KAZN: variants seen among roughly 807,000 people sequenced by gnomAD.
KAZN encodes the protein kazrin, periplakin interacting protein.
A neutral mutation model predicts 87.4 loss-of-function variants in KAZN; 40 were observed. That is an observed-to-expected ratio of 0.46 (90% CI 0.36 to 0.60). KAZN has a LOEUF of 0.60. Ranked by LOEUF, KAZN falls within the 20% of genes least tolerant of loss-of-function variation. The pLI is 0.00. For missense variants in KAZN, 898 were observed against 1,073.9 expected (o/e 0.84, Z 2.29); for synonymous variants, 466 against 458.3 (o/e 1.02, Z -0.22).
intron 2 of KAZN, among the ~76,000 whole-genome samples, chr1:14,274,860 T>G (rs1037214675): frequency 8.5e-4 from 129 of 152,236 alleles, no homozygotes; most frequent in African/African-American, 4.8e-4. Context: ...TCTTTTTTTT[T>G]GGGTCTGTCT....
At chr1:13,909,506 G>A (rs549863889) in intron 1 of KAZN, among the ~76,000 whole-genome samples, 1 of 152,196 alleles carries the variant, frequency 6.6e-6, no homozygotes, top group South Asian at 2.1e-4. Context: ...TTCTATCTCA[G>A]CCAGGGTTTC....
At chr1:14,435,936 C>T (rs1666360308) in intron 2 of KAZN, among the ~76,000 whole-genome samples, 1 of 152,140 alleles carries the variant, frequency 6.6e-6, no homozygotes, top group Non-Finnish European at 1.5e-5. Flanking sequence ...TGTGCTGCCA[C>T]TGAGTCACTG....
intron 2 of KAZN, among the ~76,000 whole-genome samples, chr1:14,489,736 A>AAATAATAAC (rs1669546404): frequency 1.4e-5 from 2 of 144,514 alleles, no homozygotes; most frequent in African/African-American, 5.1e-5. Flanking sequence ...TCTGTCTTAA[A>AAATAATAAC]AATAATAATA....
Position 14,055,795 on chromosome 1 carries a change from GAATA to G in KAZN, c.92-124639_92-124636del. On this transcript the variant is annotated intron_variant, in intron 1 of 16. Coordinates refer to the KAZN transcript ENST00000636203. The stretch of plus-strand genomic sequence containing the variant: ...TCTAGTCCACAGAGCAAAGGAAAAT[GAATA>G]TTATTGTTTACAACAGAAAAATCAG... 2.6e-5 allele frequency among the ~76,000 whole-genome samples: 4 copies of G among 152,278 alleles called. 2 individuals are homozygous for G. Among genetic ancestry groups the G allele is most frequent in the African/African-American group, 9.6e-5 (4 of 41,534 alleles).
At chr1:14,805,586 C>T (rs913843571) in intron 1 of KAZN, among the ~76,000 whole-genome samples, 3 of 151,974 alleles carry the variant, frequency 2.0e-5, no homozygotes, top group South Asian at 2.1e-4. Flanking sequence ...TGGTAAAACC[C>T]GTCTCTACTA....
intron 2 of KAZN, among the ~76,000 whole-genome samples, chr1:14,278,853 T>C (rs1652612088): frequency 6.6e-6 from 1 of 151,870 alleles, no homozygotes. Flanking sequence ...TGTTGTCAGT[T>C]GACATTTTCT....
intron 2 of KAZN, among the ~76,000 whole-genome samples, chr1:14,205,033 T>C (rs558454310): frequency 6.6e-6 from 1 of 152,348 alleles, no homozygotes; most frequent in East Asian, 1.9e-4. Context: ...TCCATGCAGC[T>C]GGTCACTCAG....
intron 2 of KAZN, among the ~76,000 whole-genome samples, chr1:14,402,457 A>C (rs554822331): frequency 6.6e-6 from 1 of 152,298 alleles, no homozygotes; most frequent in East Asian, 1.9e-4. Context: ...AAAATTATAA[A>C]GTGTTATTAA....
intron 1 of KAZN, among the ~76,000 whole-genome samples, chr1:14,867,692 C>A (rs962105579): frequency 1.3e-5 from 2 of 151,124 alleles, no homozygotes; most frequent in African/African-American, 4.9e-5. Context: ...ACTGTGACTT[C>A]TGTCTCTGCT....
intron 1 of KAZN, among the ~76,000 whole-genome samples, chr1:14,754,722 C>T (rs182210724): frequency 2.0e-5 from 3 of 152,182 alleles, no homozygotes; most frequent in Admixed American, 1.3e-4. Context: ...TGCTTCCTAA[C>T]ATGGGAAAAT....
chr1:14,819,168 A>G (rs528380619), intron 1 of KAZN, among the ~76,000 whole-genome samples: 3 of 152,192 alleles, frequency 2.0e-5, no homozygotes, highest in Non-Finnish European at 4.4e-5. Flanking sequence ...GCAACTAATG[A>G]TGGGCTAACT....
At chr1:14,278,170 C>CAAAAAA (rs34057998) in intron 2 of KAZN, among the ~76,000 whole-genome samples, 1 of 55,916 alleles carries the variant, frequency 1.8e-5, no homozygotes, top group African/African-American at 4.8e-5. Flanking sequence ...AACTCTGTCT[C>CAAAAAA]AAAAAAAAAA....
At chr1:15,030,809 G>A (rs1370327783) in intron 2 of KAZN, among the ~76,000 whole-genome samples, 1 of 152,222 alleles carries the variant, frequency 6.6e-6, no homozygotes, top group African/African-American at 2.4e-5. Flanking sequence ...GGTGACCTAA[G>A]CTGCTGCTCA....
At chr1:14,487,847 T>A (rs1669429220) in intron 2 of KAZN, among the ~76,000 whole-genome samples, 1 of 152,078 alleles carries the variant, frequency 6.6e-6, no homozygotes, top group South Asian at 2.1e-4. Context: ...GGCTTGCAGA[T>A]CTGGGTAGAT....
At chr1:14,652,660 CCCACCCACCCATCCAT>C (rs1370367021) in intron 1 of KAZN, among the ~76,000 whole-genome samples, 2 of 45,958 alleles carry the variant, frequency 4.4e-5, no homozygotes, top group Admixed American at 2.7e-4. Context: ...CATCCACCCA[CCCACCCACCCATCCAT>C]CCACCCACCC....
chr1:14,167,516 A>T (rs569905279), intron 1 of KAZN, among the ~76,000 whole-genome samples: 3 of 152,286 alleles, frequency 2.0e-5, no homozygotes, highest in Middle Eastern at 6.8e-3. Flanking sequence ...TGAGGTCAGG[A>T]GTTCGAGACC....
At chr1:13,964,444 G>A (rs1267404887) in intron 1 of KAZN, among the ~76,000 whole-genome samples, 1 of 152,202 alleles carries the variant, frequency 6.6e-6, no homozygotes, top group Non-Finnish European at 1.5e-5. Context: ...CCCTAGTTCT[G>A]TAGTTCTGTG....
chr1:14,183,398 G>A (rs956148074), intron 2 of KAZN, among the ~76,000 whole-genome samples: 2 of 152,126 alleles, frequency 1.3e-5, no homozygotes, highest in African/African-American at 2.4e-5. Flanking sequence ...AACGTTTTGA[G>A]CATGGAGGTG....
At chr1:14,070,917 A>G (rs1643223082) in intron 1 of KAZN, among the ~76,000 whole-genome samples, 2 of 152,148 alleles carry the variant, frequency 1.3e-5, no homozygotes, top group South Asian at 4.1e-4. Context: ...CACAGCAGAG[A>G]GTGGAAGGAC....
Sources: gnomAD v4.1 joint callset for allele counts (sites outside exome capture counted in the v4.1 genomes callset) on GRCh38, gnomAD v4.1.1 for gene constraint, MANE v1.5 for transcripts, NCBI Gene and HGNC (gene_info 2026-07-23, HGNC 2026-07-21) for gene names.